LRRC49: variants seen among roughly 807,000 people sequenced by gnomAD.
LRRC49 encodes the protein leucine rich repeat containing 49, also known as leucine-rich repeat-containing protein 49.
A neutral mutation model predicts 83.3 loss-of-function variants in LRRC49; 50 were observed. That is an observed-to-expected ratio of 0.60 (90% CI 0.48 to 0.76). The LOEUF (loss-of-function observed/expected upper bound fraction) is 0.76. Among genes scored for constraint, LRRC49 ranks in the 30% least tolerant of loss-of-function variants. LRRC49 has a pLI of 0.00. For synonymous variants in LRRC49, 286 were observed against 283.3 expected, an observed-to-expected ratio of 1.01 and a Z score of -0.10; for missense variants, 704 against 809.1, an observed-to-expected ratio of 0.87 and a Z score of 1.58.
At chr15:70,925,674 T>C (rs953675049) in intron 7 of LRRC49, among the ~76,000 whole-genome samples, 1 of 152,174 alleles carries the variant, frequency 6.6e-6, no homozygotes. Flanking sequence ...TATACAATAA[T>C]GGAACACACT....
chr15:71,038,503 A>G (rs554111614), intron 15 of LRRC49, among the ~76,000 whole-genome samples: 1 of 151,938 alleles, frequency 6.6e-6, no homozygotes, highest in African/African-American at 2.4e-5. Context: ...CCCACCCCCA[A>G]TCCTGAAGTG....
intron 2 of LRRC49, among the ~76,000 whole-genome samples, chr15:70,894,136 TC>T (rs2141097762): frequency 6.6e-6 from 1 of 152,318 alleles, no homozygotes; most frequent in African/African-American, 2.4e-5. Context: ...GCTGAAGCAA[TC>T]CGCTTGCTTT....
At chr15:70,862,806 G>A (rs185815276) in intron 1 of LRRC49, among the ~76,000 whole-genome samples, 1 of 152,250 alleles carries the variant, frequency 6.6e-6, no homozygotes, top group East Asian at 1.9e-4. Flanking sequence ...ATCTCCAGGT[G>A]CAAGTAACCA....
At chr15:70,877,074 G>A (rs2141080712) in intron 2 of LRRC49, among the ~76,000 whole-genome samples, 1 of 152,180 alleles carries the variant, frequency 6.6e-6, no homozygotes, top group Non-Finnish European at 1.5e-5. Context: ...AGTCCTTCCT[G>A]TTGGTTTTTA....
At chr15:71,048,918 A>C in intron 15 of LRRC49, 1 of 451,308 alleles carries the variant, frequency 2.2e-6, no homozygotes, top group Non-Finnish European at 4.4e-6. Flanking sequence ...AGGCTGCGTA[A>C]GTCAGTGTAG....
At chr15:71,025,314 A>G (rs371912017) in intron 14 of LRRC49, among the ~76,000 whole-genome samples, 1 of 152,206 alleles carries the variant, frequency 6.6e-6, no homozygotes, top group South Asian at 2.1e-4. Context: ...CCAGTCACCT[A>G]CAAAGGGAAG....
chr15:70,898,424 A>C (rs2033926507), intron 3 of LRRC49: 1 of 702,038 alleles, frequency 1.4e-6, no homozygotes, highest in African/African-American at 1.7e-5. Flanking sequence ...GAGCTTGTAG[A>C]TTTATTTGGG....
chr15:70,991,317 A>G (rs987808053), intron 11 of LRRC49, among the ~76,000 whole-genome samples: 1 of 152,216 alleles, frequency 6.6e-6, no homozygotes, highest in Non-Finnish European at 1.5e-5. Flanking sequence ...TTTATAGTGC[A>G]TGTATAATTT....
intron 8 of LRRC49, among the ~76,000 whole-genome samples, chr15:70,959,426 G>T (rs2036517683): frequency 6.6e-6 from 1 of 151,912 alleles, no homozygotes; most frequent in South Asian, 2.1e-4. Context: ...GGGAGGCGGA[G>T]GTTGCAGTGA....
chr15:70,885,293 AATGGG>A (rs1342623050), intron 2 of LRRC49, among the ~76,000 whole-genome samples: 1 of 152,190 alleles, frequency 6.6e-6, no homozygotes, highest in Non-Finnish European at 1.5e-5. Flanking sequence ...TATAACATAA[AATGGG>A]GCAGACGCAA....
chr15:70,982,366 C>A (rs2037434912), intron 10 of LRRC49, among the ~76,000 whole-genome samples: 1 of 152,024 alleles, frequency 6.6e-6, no homozygotes, highest in South Asian at 2.1e-4. Flanking sequence ...GCTTAGATTA[C>A]AAATTGGGTT....
intron 14 of LRRC49, among the ~76,000 whole-genome samples, chr15:71,029,665 G>A (rs2039286671): frequency 1.3e-5 from 2 of 152,152 alleles, no homozygotes; most frequent in Admixed American, 6.6e-5. Context: ...AAGTCCCTTT[G>A]TAGGTCTCTA....
intron 14 of LRRC49, among the ~76,000 whole-genome samples, chr15:71,035,213 ATACT>A (rs1389718917): frequency 6.6e-6 from 1 of 152,176 alleles, no homozygotes; most frequent in African/African-American, 2.4e-5. Flanking sequence ...GATACAGAAA[ATACT>A]TATATAGCAT....
At chr15:70,860,392 T>C (rs1018704342) in intron 1 of LRRC49, among the ~76,000 whole-genome samples, 1 of 152,154 alleles carries the variant, frequency 6.6e-6, no homozygotes, top group African/African-American at 2.4e-5. Flanking sequence ...CCCTACCAAC[T>C]GTCAAACAAA....
chr15:70,939,103 G>T (rs2035708160), intron 8 of LRRC49, among the ~76,000 whole-genome samples: 1 of 152,130 alleles, frequency 6.6e-6, no homozygotes, highest in South Asian at 2.1e-4. Context: ...CTATGGGTTA[G>T]ATGAAAAAAT....
intron 15 of LRRC49, among the ~76,000 whole-genome samples, chr15:71,046,313 C>G (rs1046721707): frequency 6.6e-6 from 1 of 152,152 alleles, no homozygotes; most frequent in East Asian, 1.9e-4. Context: ...AATTATATTC[C>G]CACCAGCAGT....
chr15:70,884,543 GAA>G (rs1346347850), intron 2 of LRRC49, among the ~76,000 whole-genome samples: 1 of 135,888 alleles, frequency 7.4e-6, no homozygotes, highest in Admixed American at 7.3e-5. Context: ...TATACACACA[GAA>G]AAAAAAAAAA....
chr15:70,991,387 C>G (rs987359041), intron 11 of LRRC49, among the ~76,000 whole-genome samples: 1 of 152,178 alleles, frequency 6.6e-6, no homozygotes, highest in Non-Finnish European at 1.5e-5. Context: ...CCTGCAAATA[C>G]CCAAATCTGC....
At chr15:70,980,982 G>A (rs1360603106) in intron 10 of LRRC49, among the ~76,000 whole-genome samples, 4 of 152,086 alleles carry the variant, frequency 2.6e-5, no homozygotes, top group Non-Finnish European at 5.9e-5. Context: ...TTGAGCCCAG[G>A]AATTAAGTCC....
Sources: allele counts gnomAD v4.1 joint callset (sites outside exome capture counted in the v4.1 genomes callset), GRCh38; gene constraint gnomAD v4.1.1; transcripts MANE v1.5; gene names NCBI Gene and HGNC (gene_info 2026-07-23, HGNC 2026-07-21).